The following GPR83 variants were observed in gnomAD, a reference collection of about 807,000 sequenced individuals.
GPR83 encodes G-protein coupled receptor 72.
Under a neutral mutation model 28.0 loss-of-function variants are expected in GPR83, and 23 were observed. That is an observed-to-expected ratio of 0.82 (90% CI 0.59 to 1.16). The LOEUF (loss-of-function observed/expected upper bound fraction) is 1.16. Among genes scored for constraint, GPR83 ranks in the 50% most tolerant of loss-of-function variants. The pLI is 0.00. For synonymous variants in GPR83, 234 were observed against 215.4 expected (o/e 1.09, Z -0.76); for missense variants, 610 against 536.6 (o/e 1.14, Z -1.35).
At position 94,377,528 on chromosome 11, in the gene GPR83, A is replaced by C. The variant is rs988160035; in HGVS notation, c.*2621T>G. ...AAAAGGGTTTTCTCTGGGACTTGGC[A>C]GTACTGAAGGTCCCGGACTAACAAT... is the stretch of plus-strand genomic sequence containing the variant. On this transcript the variant is annotated 3_prime_UTR_variant, in exon 4 of 4. Coordinates refer to ENST00000243673, the MANE Select transcript of GPR83 (RefSeq NM_016540.4). 6.6e-6 allele frequency: 1 copy of C among 152,222 alleles called. No individual in the cohort carries two copies. Among genetic ancestry groups the C allele is most frequent in the Non-Finnish European group, 1.5e-5 (1 of 68,042 alleles). 9.4% of individuals were successfully genotyped at this position (152,222 alleles called of 1,614,324 possible). A position where few individuals can be genotyped will look rare whatever the true frequency, so the allele number is the denominator to read the frequency against.
At chr11:94,387,224 A>G (rs1022279930) in intron 3 of GPR83, among the ~76,000 whole-genome samples, 1 of 152,252 alleles carries the variant, frequency 6.6e-6, no homozygotes, top group Non-Finnish European at 1.5e-5. Flanking sequence ...AAGGGAAACC[A>G]GGAAAGATCT....
At position 94,393,530 on chromosome 11, in the gene GPR83, G is replaced by C. The variant is rs1226689426; in HGVS notation, c.602C>G (p.Ser201Ter). ...TTTCTGGCAGATAGCATGTGGGAGTGAAAAGAACGTAGCCATGGTCCAGAT... is the reference window on the plus strand; with the variant it reads ...TTTCTGGCAGATAGCATGTGGGAGTCAAAAGAACGTAGCCATGGTCCAGAT... ...AVIWTMATFF[S>*]LPHAICQKLF... The change falls in exon 3 of 4, where the codon TCA (serine) becomes TGA (stop). Residue 201 changes from serine (S) to a stop codon, truncating the protein, a stop_gained. Coordinates refer to ENST00000243673, the MANE Select transcript of GPR83 (RefSeq NM_016540.4). LOFTEE classifies it high-confidence loss of function. The C allele has an allele frequency of 6.2e-7, 1 of 1,613,912 alleles. No individual in the cohort carries two copies. Among genetic ancestry groups the C allele is most frequent in the East Asian group, 2.2e-5 (1 of 44,876 alleles).
intron 2 of GPR83, among the ~76,000 whole-genome samples, chr11:94,395,608 A>G (rs899710927): frequency 2.6e-5 from 4 of 152,196 alleles, no homozygotes; most frequent in African/African-American, 7.2e-5. Context: ...TCATTGAGTA[A>G]GCATGGAAAA....
intron 3 of GPR83, among the ~76,000 whole-genome samples, chr11:94,388,486 A>C (rs1201399970): frequency 6.9e-6 from 1 of 144,518 alleles, no homozygotes; most frequent in Non-Finnish European, 1.5e-5. Flanking sequence ...CTCAGGATAT[A>C]AAATCAATGT....
chr11:94,385,855 A>G (rs114363625), intron 3 of GPR83, among the ~76,000 whole-genome samples: 3,927 of 152,300 alleles, frequency 0.026, 70 homozygotes, highest in African/African-American at 0.045. Flanking sequence ...GAATGCCACA[A>G]AAGTACTGCT....
intron 3 of GPR83, among the ~76,000 whole-genome samples, chr11:94,388,078 C>G (rs182879477): frequency 2.0e-5 from 3 of 152,146 alleles, no homozygotes; most frequent in Non-Finnish European, 2.9e-5. Context: ...AAAAACCACA[C>G]GATTATCTCA....
chr11:94,397,993 T>C (rs946032651), intron 1 of GPR83, among the ~76,000 whole-genome samples: 1 of 152,214 alleles, frequency 6.6e-6, no homozygotes, highest in Non-Finnish European at 1.5e-5. Context: ...CTAGAAATCT[T>C]CAGCTATTCC....
intron 1 of GPR83, among the ~76,000 whole-genome samples, chr11:94,400,407 G>A (rs1282481713): frequency 6.6e-6 from 1 of 151,856 alleles, no homozygotes; most frequent in Non-Finnish European, 1.5e-5. Flanking sequence ...GTGAGGCAGG[G>A]GAGAGAGGAA....
intron 1 of GPR83, among the ~76,000 whole-genome samples, chr11:94,399,408 T>G (rs932300863): frequency 6.6e-6 from 1 of 152,210 alleles, no homozygotes; most frequent in East Asian, 1.9e-4. Flanking sequence ...CCCAGCTGGC[T>G]GGTTAGTGGA....
rs1289096306 is a variant in GPR83, at chr11:94,378,056, A to G, written c.*2093T>C. On this transcript the variant is annotated 3_prime_UTR_variant, in exon 4 of 4. Transcript: ENST00000243673. ...TACTTCTTGACACACCACAGAGACAATAAGTACAGGCACATGAGCCATTTG... is the reference window on the plus strand; with the variant it reads ...TACTTCTTGACACACCACAGAGACAGTAAGTACAGGCACATGAGCCATTTG... The G allele has an allele frequency of 6.6e-6, 1 of 152,184 alleles. No individual in the cohort carries two copies. Among genetic ancestry groups the G allele is most frequent in the Non-Finnish European group, 1.5e-5 (1 of 68,028 alleles). 9.4% of individuals were successfully genotyped at this position (152,184 alleles called of 1,614,324 possible).
In GPR83 at chr11:94,400,939, G is replaced by A. The variant is rs567047546; in HGVS notation, c.309C>T (p.His103=). The A allele has an allele frequency of 3.1e-6, 5 of 1,614,032 alleles. No homozygotes were observed. In the Admixed American group the frequency reaches 6.7e-5, roughly 22 times the overall value. The change falls in exon 1 of 4, where the codon CAC becomes CAT. Residue 103 remains histidine (H), a synonymous_variant. Coordinates refer to ENST00000243673, the MANE Select transcript of GPR83 (RefSeq NM_016540.4). ...CHVIFKNQRM[H]SATSLFIVNL... The stretch of plus-strand genomic sequence containing the variant: ...TGACGATGAAGAGGCTGGTGGCCGA[G>A]TGCATTCGCTGGTTCTTGAAGATGA...
At chr11:94,398,412 C>T (rs1157890511) in intron 1 of GPR83, among the ~76,000 whole-genome samples, 23 of 152,192 alleles carry the variant, frequency 1.5e-4, no homozygotes, top group Admixed American at 1.4e-3. Flanking sequence ...TCCCTCAACA[C>T]AAAGTGAACT....
intron 3 of GPR83, among the ~76,000 whole-genome samples, chr11:94,390,968 A>G (rs924365402): frequency 6.6e-6 from 1 of 152,184 alleles, no homozygotes; most frequent in Non-Finnish European, 1.5e-5. Flanking sequence ...AATTGGAAAA[A>G]ACTACTTTAA....
chr11:94,396,507 G>T lies in GPR83; in HGVS notation c.405C>A (p.Ser135Arg), dbSNP rs1328644836. 1 of 1,613,866 alleles carries T rather than the reference G, an allele frequency of 6.2e-7. No individual in the cohort carries two copies. The highest frequency in any genetic ancestry group is 1.3e-5 in the African/African-American group (1 of 74,916). ...TPFTLVRFVNSTWIFGKGMCH... is the reference protein window; with the variant it reads ...TPFTLVRFVNRTWIFGKGMCH... ...ACATGCCCTTCCCAAATATCCATGT[G>T]CTGTTCACAAAGCGAACCTGGAGAT... The change falls in exon 2 of 4, where the codon AGC (serine) becomes AGA (arginine). Residue 135 changes from serine to arginine, a missense_variant. Transcript: ENST00000243673.
At chr11:94,392,103 G>T (rs1032094505) in intron 3 of GPR83, among the ~76,000 whole-genome samples, 1 of 152,100 alleles carries the variant, frequency 6.6e-6, no homozygotes, top group African/African-American at 2.4e-5. Flanking sequence ...ACTGGATAAA[G>T]AAAATGTGGC....
At chr11:94,384,448 G>A (rs1399027887) in intron 3 of GPR83, among the ~76,000 whole-genome samples, 1 of 152,180 alleles carries the variant, frequency 6.6e-6, no homozygotes, top group African/African-American at 2.4e-5. Context: ...GCATTTCCAA[G>A]AGAGGTACCG....
At chr11:94,387,113 T>C (rs939203353) in intron 3 of GPR83, among the ~76,000 whole-genome samples, 15 of 152,196 alleles carry the variant, frequency 9.9e-5, no homozygotes, top group Non-Finnish European at 2.1e-4. Context: ...GAAATAAAGA[T>C]GTTCTCTGAA....
rs1944631309 is a variant in GPR83, at chr11:94,377,375, C to T, written c.*2774G>A. On this transcript the variant is annotated 3_prime_UTR_variant, in exon 4 of 4. Coordinates refer to ENST00000243673, the MANE Select transcript of GPR83 (RefSeq NM_016540.4). ...CAATTTACAATAAAACACTTTACAGCACATTGGAAAAACTCAAGTTTCACA... is the reference window on the plus strand; with the variant it reads ...CAATTTACAATAAAACACTTTACAGTACATTGGAAAAACTCAAGTTTCACA... 6.6e-6 allele frequency: 1 copy of T among 152,124 alleles called. No homozygotes were observed. Among genetic ancestry groups the T allele is most frequent in the South Asian group, 2.1e-4 (1 of 4,830 alleles). 9.4% of individuals were successfully genotyped at this position (152,124 alleles called of 1,614,324 possible). A position where few individuals can be genotyped will look rare whatever the true frequency, so the allele number is the denominator to read the frequency against.
Position 94,401,054 on chromosome 11 carries a change from G to A in GPR83, c.194C>T (p.Ser65Phe). ...CAGGGCTTTCACCGTGGGGTTCTGG[G>A]ACTCAGCGCCGTAGCGCCTCCTGCC... ...FVGRRRYGAE[S>F]QNPTVKALLI... The change falls in exon 1 of 4, where the codon TCC becomes TTC. Residue 65 changes from serine to phenylalanine, a missense_variant. By Grantham distance (155) the Ser-to-Phe change is radical. Coordinates refer to ENST00000243673, the MANE Select transcript of GPR83 (RefSeq NM_016540.4). The A allele has an allele frequency of 4.3e-6, 7 of 1,614,226 alleles. No homozygotes were observed. The highest frequency in any genetic ancestry group is 5.9e-6 in the Non-Finnish European group (7 of 1,180,006).
Sources: gnomAD v4.1 joint callset for allele counts (sites outside exome capture counted in the v4.1 genomes callset) on GRCh38, gnomAD v4.1.1 for gene constraint, MANE v1.5 for transcripts, NCBI Gene and HGNC (gene_info 2026-07-23, HGNC 2026-07-21) for gene names.